MSRA: variants seen among roughly 807,000 people sequenced by gnomAD.
The protein encoded by MSRA is methionine sulfoxide reductase A.
A neutral mutation model predicts 31.3 loss-of-function variants in MSRA; 54 were observed. The ratio of observed to expected loss-of-function variants is 1.73; its 90% CI spans 1.39 to 2.17. The LOEUF (loss-of-function observed/expected upper bound fraction) is 2.17, where lower values mean the gene tolerates loss of function less well. Among genes scored for constraint, MSRA ranks in the 30% most tolerant of loss-of-function variants. The pLI is 0.00. For missense variants in MSRA, 507 were observed against 300.9 expected (o/e 1.69, Z -5.07); for synonymous variants, 169 against 116.5 (o/e 1.45, Z -2.90).
At chr8:10,128,912 A>C (rs1436060942) in intron 1 of MSRA, among the ~76,000 whole-genome samples, 1 of 152,250 alleles carries the variant, frequency 6.6e-6, no homozygotes, top group Non-Finnish European at 1.5e-5. Flanking sequence ...AGAGGAGTTT[A>C]GGAAGACATT....
chr8:10,311,607 A>T (rs568668689), intron 4 of MSRA, among the ~76,000 whole-genome samples: 3 of 152,262 alleles, frequency 2.0e-5, no homozygotes, highest in Admixed American at 2.0e-4. Context: ...AAATCGTCTT[A>T]TGTTAGAAAA....
chr8:10,187,063 T>C (rs1807116455), intron 1 of MSRA, among the ~76,000 whole-genome samples: 1 of 152,226 alleles, frequency 6.6e-6, no homozygotes, highest in African/African-American at 2.4e-5. Context: ...TAACTGGAGC[T>C]ATACTTTTCA....
chr8:10,099,052 T>C (rs1411910725), intron 1 of MSRA, among the ~76,000 whole-genome samples: 1 of 152,224 alleles, frequency 6.6e-6, no homozygotes, highest in African/African-American at 2.4e-5. Context: ...GTATTTTAAA[T>C]GGACCTATCA....
At chr8:10,054,700 G>A (rs370696069) in intron 1 of MSRA, 42 bp downstream of exon 1, 4 of 1,472,522 alleles carry the variant, frequency 2.7e-6, no homozygotes, top group African/African-American at 1.5e-5. Context: ...GCGACGCTGC[G>A]CATGCGCGCC....
intron 5 of MSRA, among the ~76,000 whole-genome samples, chr8:10,381,586 G>T (rs780105447): frequency 6.6e-6 from 1 of 152,208 alleles, no homozygotes; most frequent in Non-Finnish European, 1.5e-5. Flanking sequence ...GGCTGGTAGA[G>T]GTGGGAACGA....
At chr8:10,169,897 C>T (rs1018830854) in intron 1 of MSRA, among the ~76,000 whole-genome samples, 1 of 147,460 alleles carries the variant, frequency 6.8e-6, no homozygotes, top group African/African-American at 2.5e-5. Context: ...TTTGCCCATT[C>T]CTTGGTATTT....
intron 5 of MSRA, among the ~76,000 whole-genome samples, chr8:10,416,448 G>A (rs7824231): frequency 0.49 from 74,709 of 152,110 alleles, 20,227 homozygotes; most frequent in Non-Finnish European, 0.62. Flanking sequence ...CCCAGCGTGG[G>A]TTTGTCAGTG....
chr8:10,301,718 G>C, intron 4 of MSRA, 80 bp downstream of exon 4: 1 of 1,127,966 alleles, frequency 8.9e-7, no homozygotes, highest in Non-Finnish European at 1.3e-6. Flanking sequence ...GCATGGAAGA[G>C]ATGAACCTTG....
At chr8:10,193,542 T>C (rs546352949) in intron 1 of MSRA, among the ~76,000 whole-genome samples, 1 of 152,306 alleles carries the variant, frequency 6.6e-6, no homozygotes, top group African/African-American at 2.4e-5. Flanking sequence ...ATCCCTAATC[T>C]CCATCTGTTA....
rs79435479 is a variant in MSRA at position 10,157,060 on chromosome 8, G to A, written c.143-50773G>A. On this transcript the variant is annotated intron_variant, in intron 1 of 5. Coordinates refer to ENST00000317173, the MANE Select transcript of MSRA (RefSeq NM_012331.5). ...TGACAAGTGGCTTTTGCAAGGCCGC[G>A]TGGTGAATACATCGTAGATTTGAAA... is the stretch of plus-strand genomic sequence containing the variant. Among the ~76,000 whole-genome samples, 403 of 151,946 alleles carry A rather than the reference G, an allele frequency of 2.7e-3. 1 individual carries two copies. Among genetic ancestry groups the A allele is most frequent in the African/African-American group, 9.1e-3 (375 of 41,434 alleles).
chr8:10,257,115 G>C (rs1798224736), intron 3 of MSRA, among the ~76,000 whole-genome samples: 1 of 152,158 alleles, frequency 6.6e-6, no homozygotes, highest in South Asian at 2.1e-4. Context: ...CAGGGTTAGT[G>C]CTCGTAGACA....
At chr8:10,189,615 G>A (rs759453485) in intron 1 of MSRA, among the ~76,000 whole-genome samples, 2 of 151,778 alleles carry the variant, frequency 1.3e-5, no homozygotes, top group East Asian at 1.9e-4. Context: ...TTCTTTTTTA[G>A]CCAGTTAATA....
chr8:10,408,995 T>C (rs1286894773), intron 5 of MSRA, among the ~76,000 whole-genome samples: 3 of 152,246 alleles, frequency 2.0e-5, no homozygotes, highest in African/African-American at 7.2e-5. Context: ...TGATTCCATA[T>C]CCTTGCTGCA....
intron 2 of MSRA, among the ~76,000 whole-genome samples, chr8:10,234,860 A>C (rs1811818775): frequency 6.6e-6 from 1 of 152,104 alleles, no homozygotes; most frequent in Non-Finnish European, 1.5e-5. Context: ...CAATAACAAA[A>C]GGAATAGTAG....
At position 10,428,639 on chromosome 8, in the gene MSRA, G is replaced by A. The variant is rs567300087; in HGVS notation, c.*327G>A. Reference sequence around the variant, plus strand: ...TGGGAGGTTGCTGGACAGGATGGGGGACCCCAGAAGTCCTTTATCTGTGCT... The same window carrying A: ...TGGGAGGTTGCTGGACAGGATGGGGAACCCCAGAAGTCCTTTATCTGTGCT... On this transcript the variant is annotated 3_prime_UTR_variant, in exon 6 of 6. Coordinates refer to ENST00000317173, the MANE Select transcript of MSRA (RefSeq NM_012331.5). The A allele has an allele frequency of 3.9e-5, 12 of 310,606 alleles. No individual in the cohort carries two copies. In the East Asian group the frequency reaches 1.1e-3, roughly 28 times the overall value. 19.2% of individuals were successfully genotyped at this position (310,606 alleles called of 1,614,324 possible). A position where few individuals can be genotyped will look rare whatever the true frequency, so the allele number is the denominator to read the frequency against.
At chr8:10,386,961 G>C (rs1053909504) in intron 5 of MSRA, among the ~76,000 whole-genome samples, 5 of 151,860 alleles carry the variant, frequency 3.3e-5, no homozygotes, top group Admixed American at 2.6e-4. Context: ...AGCTGGTGGA[G>C]CAGTGCCTGT....
At chr8:10,281,612 G>A (rs1563304643) in intron 3 of MSRA, among the ~76,000 whole-genome samples, 2 of 152,338 alleles carry the variant, frequency 1.3e-5, no homozygotes, top group South Asian at 2.1e-4. Context: ...AAATGCTATC[G>A]ATAAGAAATG....
intron 5 of MSRA, among the ~76,000 whole-genome samples, chr8:10,324,610 T>C (rs1461272436): frequency 6.6e-6 from 1 of 152,204 alleles, no homozygotes; most frequent in Non-Finnish European, 1.5e-5. Context: ...TGGACATCCA[T>C]GCCTAGGTGA....
At chr8:10,113,306 T>TTTTTTTTTTTTTTTTTTTTTTTTTG (rs1800434506) in intron 1 of MSRA, among the ~76,000 whole-genome samples, 1 of 129,308 alleles carries the variant, frequency 7.7e-6, no homozygotes, top group Non-Finnish European at 1.7e-5. Context: ...TTTTTTTTTT[T>TTTTTTTTTTTTTTTTTTTTTTTTTG]TTTTTTTTGG....
Sources: allele counts gnomAD v4.1 joint callset (sites outside exome capture counted in the v4.1 genomes callset), GRCh38; gene constraint gnomAD v4.1.1; transcripts MANE v1.5; gene names NCBI Gene and HGNC (gene_info 2026-07-23, HGNC 2026-07-21).